Variants in NEBL observed in about 807,000 individuals in gnomAD.
NEBL encodes nebulette, also known as LIM and SH3 protein 2.
Under a neutral mutation model 140.2 loss-of-function variants are expected in NEBL, and 122 were observed. The observed-to-expected ratio is 0.87, with a 90% CI of 0.75 to 1.01. The LOEUF (loss-of-function observed/expected upper bound fraction) is 1.01. Ranked by LOEUF, NEBL falls within the 50% of genes least tolerant of loss-of-function variation. The pLI, the probability that NEBL is intolerant of heterozygous loss-of-function variation, is 0.00. For missense variants in NEBL, 1,365 were observed against 1,231.3 expected (o/e 1.11, Z -1.62); for synonymous variants, 436 against 398.9 (o/e 1.09, Z -1.11).
rs113359337 is a variant in NEBL at position 20,876,612 on chromosome 10, G to T, written c.480+4182C>A. Among the ~76,000 whole-genome samples, 15 of 152,174 alleles carry T rather than the reference G, an allele frequency of 9.9e-5. No homozygotes were observed. The South Asian group carries it at 3.1e-3, about 32-fold the overall frequency. On this transcript the variant is annotated intron_variant, in intron 5 of 27. Transcript: ENST00000377122. ...GAACAGTAAGTCTTTCATTTCCCAC[G>T]CTGAATACTTCTTTCTAATACACAT...
rs1381006856 is a variant in NEBL at position 21,016,302 on chromosome 10, GGTTT to G, written c.249+3811_249+3814del. ...CACTGGCTTTGAAGAGCTAACTCTT[GGTTT>G]GTTTGTTTATTCACAGTATTTCATA... On this transcript the variant is annotated intron_variant, in intron 3 of 6. Transcript: ENST00000417816. Among the ~76,000 whole-genome samples the G allele has an allele frequency of 3.9e-5, 6 of 152,212 alleles. No homozygotes were observed. In the East Asian group the frequency reaches 1.2e-3, roughly 29 times the overall value.
chr10:21,269,798 G>A (rs1842840311), intron 1 of NEBL, among the ~76,000 whole-genome samples: 2 of 152,206 alleles, frequency 1.3e-5, no homozygotes, highest in Non-Finnish European at 2.9e-5. Context: ...TACCTCTAAG[G>A]TGGTGGTCTT....
chr10:21,102,135 TC>T (rs1390743700), intron 2 of NEBL, among the ~76,000 whole-genome samples: 7 of 152,232 alleles, frequency 4.6e-5, no homozygotes, highest in Admixed American at 2.6e-4. Context: ...GCTCTAAATG[TC>T]CAGACTTCTA....
chr10:21,282,981 A>T (rs1302138139), intron 1 of NEBL, among the ~76,000 whole-genome samples: 20 of 151,998 alleles, frequency 1.3e-4, no homozygotes, highest in Non-Finnish European at 2.5e-4. Flanking sequence ...AAAAAATTTT[A>T]AAAAATTAGC....
intron 2 of NEBL, among the ~76,000 whole-genome samples, chr10:20,892,252 T>G (rs1847093391): frequency 6.6e-6 from 1 of 152,254 alleles, no homozygotes. Context: ...AGTGGAAATC[T>G]TCCCAGAAGT....
chr10:21,046,809 A>G (rs1834539392), intron 2 of NEBL, among the ~76,000 whole-genome samples: 1 of 152,068 alleles, frequency 6.6e-6, no homozygotes. Context: ...TCACCATGTT[A>G]GCCAGGATCG....
intron 2 of NEBL, among the ~76,000 whole-genome samples, chr10:21,135,910 C>T (rs1417981569): frequency 6.6e-6 from 1 of 152,160 alleles, no homozygotes; most frequent in African/African-American, 2.4e-5. Context: ...AGCTAAGAGG[C>T]AAGGAAGAAA....
intron 2 of NEBL, among the ~76,000 whole-genome samples, chr10:21,110,362 G>C (rs1044939619): frequency 1.3e-5 from 2 of 152,092 alleles, no homozygotes; most frequent in African/African-American, 4.8e-5. Context: ...GTCTTCTTAA[G>C]TGAGCTTTCA....
chr10:20,968,579 CATG>C (rs1836433861), intron 3 of NEBL, among the ~76,000 whole-genome samples: 2 of 152,092 alleles, frequency 1.3e-5, no homozygotes, highest in African/African-American at 4.8e-5. Context: ...GGATGCGTCG[CATG>C]TATCACGATA....
At chr10:20,837,206 T>C (rs748488262) in intron 13 of NEBL, among the ~76,000 whole-genome samples, 5 of 152,052 alleles carry the variant, frequency 3.3e-5, no homozygotes, top group Non-Finnish European at 7.3e-5. Flanking sequence ...TGCCAAACAG[T>C]TATTCGAGTT....
At chr10:20,818,316 G>C (rs1376254642) in intron 20 of NEBL, among the ~76,000 whole-genome samples, 1 of 138,760 alleles carries the variant, frequency 7.2e-6, no homozygotes, top group East Asian at 2.4e-4. Context: ...GGGGCTGGGG[G>C]TGGGAGGCCA....
At chr10:21,255,156 A>G (rs1183218741) in intron 1 of NEBL, among the ~76,000 whole-genome samples, 1 of 152,104 alleles carries the variant, frequency 6.6e-6, no homozygotes, top group Non-Finnish European at 1.5e-5. Context: ...CTGCCAGGCT[A>G]CCCTGAGAGT....
At chr10:21,121,602 A>G (rs1049661186) in intron 2 of NEBL, among the ~76,000 whole-genome samples, 3 of 152,202 alleles carry the variant, frequency 2.0e-5, no homozygotes, top group Non-Finnish European at 4.4e-5. Context: ...ATCACTATCA[A>G]GTTAGAAAAT....
At chr10:21,169,932 G>A (rs1187348180) in intron 2 of NEBL, among the ~76,000 whole-genome samples, 1 of 152,110 alleles carries the variant, frequency 6.6e-6, no homozygotes, top group African/African-American at 2.4e-5. Flanking sequence ...AAAACAACGG[G>A]ATGTTTCTTT....
intron 1 of NEBL, chr10:21,172,492 A>G: frequency 1.3e-6 from 2 of 1,598,664 alleles, no homozygotes; most frequent in South Asian, 1.1e-5. Flanking sequence ...AAAAAAAAAA[A>G]AAACATTTAA....
intron 2 of NEBL, among the ~76,000 whole-genome samples, chr10:21,033,190 G>A (rs1227729278): frequency 6.6e-6 from 1 of 152,150 alleles, no homozygotes; most frequent in Non-Finnish European, 1.5e-5. Context: ...TTACAGCCAA[G>A]AGAAACACAC....
At chr10:20,850,001 G>GA (rs965870624) in intron 11 of NEBL, among the ~76,000 whole-genome samples, 58 of 149,242 alleles carry the variant, frequency 3.9e-4, no homozygotes, top group African/African-American at 1.3e-3. Flanking sequence ...TATTTTCATT[G>GA]AAAAAAAAAG....
At chr10:20,815,183 C>T (rs761752373) in intron 22 of NEBL, among the ~76,000 whole-genome samples, 1 of 152,204 alleles carries the variant, frequency 6.6e-6, no homozygotes, top group African/African-American at 2.4e-5. Context: ...TCTACGTTAA[C>T]TGTATTTAAG....
chr10:20,827,604 A>G (rs1193950272), intron 17 of NEBL, among the ~76,000 whole-genome samples: 1 of 152,218 alleles, frequency 6.6e-6, no homozygotes, highest in Non-Finnish European at 1.5e-5. Flanking sequence ...TACATTTATT[A>G]ATGGACTCAG....
Sources: allele counts gnomAD v4.1 joint callset (sites outside exome capture counted in the v4.1 genomes callset), GRCh38; gene constraint gnomAD v4.1.1; transcripts MANE v1.5; gene names NCBI Gene and HGNC (gene_info 2026-07-23, HGNC 2026-07-21).